ARHGAP25: variants seen among roughly 807,000 people sequenced by gnomAD.
The protein encoded by ARHGAP25 is Rho GTPase activating protein 25, also known as rho GTPase-activating protein 25.
A neutral mutation model predicts 71.0 loss-of-function variants in ARHGAP25; 34 were observed. The observed-to-expected ratio is 0.48, with a 90% CI of 0.36 to 0.64. The LOEUF (loss-of-function observed/expected upper bound fraction) is 0.64, where lower values mean the gene tolerates loss of function less well. ARHGAP25 is among the 30% of genes least tolerant of loss of function. ARHGAP25 has a pLI of 0.00. For missense variants in ARHGAP25, 706 were observed against 805.1 expected, an observed-to-expected ratio of 0.88 and a Z score of 1.49; for synonymous variants, 282 against 296.5, an observed-to-expected ratio of 0.95 and a Z score of 0.50.
chr2:68,716,267 T>C (rs908907013), intron 2 of ARHGAP25, among the ~76,000 whole-genome samples: 4 of 152,212 alleles, frequency 2.6e-5, no homozygotes, highest in African/African-American at 9.7e-5. Flanking sequence ...ATTGTTTGCT[T>C]TTACTGAGAC....
intron 4 of ARHGAP25, among the ~76,000 whole-genome samples, chr2:68,794,867 T>C (rs142700102): frequency 1.3e-3 from 196 of 152,272 alleles, no homozygotes; most frequent in African/African-American, 4.3e-3. Context: ...CTTCTTTGTA[T>C]GTTTGGTACA....
At chr2:68,726,601 T>C (rs1183829276) in intron 2 of ARHGAP25, among the ~76,000 whole-genome samples, 1 of 152,256 alleles carries the variant, frequency 6.6e-6, no homozygotes, top group Non-Finnish European at 1.5e-5. Flanking sequence ...ATATAAATTT[T>C]TTGGCTATGG....
intron 1 of ARHGAP25, among the ~76,000 whole-genome samples, chr2:68,772,250 G>A (rs946853042): frequency 2.6e-5 from 4 of 152,220 alleles, no homozygotes; most frequent in Admixed American, 6.5e-5. Flanking sequence ...CCCCCACTGT[G>A]GTCCTAATGA....
chr2:68,777,647 C>T (rs997958933), intron 2 of ARHGAP25, among the ~76,000 whole-genome samples: 12 of 151,966 alleles, frequency 7.9e-5, no homozygotes, highest in African/African-American at 2.9e-4. Context: ...ATCAATAGGT[C>T]AAGTAAGCAA....
intron 1 of ARHGAP25, 79 bp from the exon 2 acceptor site, chr2:68,775,142 T>C: frequency 6.2e-7 from 1 of 1,610,642 alleles, no homozygotes; most frequent in Non-Finnish European, 8.5e-7. Context: ...CCCTCTGGGG[T>C]TCCTCTCTCC....
rs201588014 is a variant in ARHGAP25 at position 68,822,441 on chromosome 2, A to G, written c.1302A>G (p.Lys434=). 8.7e-6 allele frequency: 14 copies of G among 1,614,202 alleles called. No homozygotes were observed. In the African/African-American group the frequency reaches 1.1e-4, roughly 12 times the overall value. Residue 434 remains lysine (K), a synonymous_variant, in exon 10 of 11, where the codon AAA becomes AAG. Transcript: ENST00000409202. ...KVPREKPGDW[K]MQSRKRTQTL... is the part of the protein sequence containing the mutation. ...CCAGGGAAAAGCCAGGAGACTGGAAAATGCAATCTCGTAAAAGGACTCAAA... is the reference window on the plus strand; with the variant it reads ...CCAGGGAAAAGCCAGGAGACTGGAAGATGCAATCTCGTAAAAGGACTCAAA...
At chr2:68,718,607 C>A (rs72822612) in intron 2 of ARHGAP25, among the ~76,000 whole-genome samples, 35,479 of 151,670 alleles carry the variant, frequency 0.23, 4,413 homozygotes, top group East Asian at 0.37. Context: ...ACATAGATAC[C>A]TAGATAGATA....
At chr2:68,722,006 C>T (rs938804671) in intron 2 of ARHGAP25, among the ~76,000 whole-genome samples, 3 of 152,224 alleles carry the variant, frequency 2.0e-5, no homozygotes, top group Non-Finnish European at 4.4e-5. Flanking sequence ...CCTTAAACCA[C>T]ACCAAAGGTT....
chr2:68,787,804 C>G (rs1678861956), intron 3 of ARHGAP25, 36 bp from the exon 4 acceptor site: 1 of 1,559,476 alleles, frequency 6.4e-7, no homozygotes, highest in Middle Eastern at 1.7e-4. Flanking sequence ...GTTCTTATCA[C>G]TCTAAGACCT....
chr2:68,738,436 G>A (rs1485662310), intron 1 of ARHGAP25, among the ~76,000 whole-genome samples: 3 of 152,092 alleles, frequency 2.0e-5, no homozygotes, highest in African/African-American at 7.2e-5. Context: ...ATTTGTGTTT[G>A]TTTGATGTTC....
At chr2:68,780,652 T>C (rs1252038704) in intron 2 of ARHGAP25, among the ~76,000 whole-genome samples, 1 of 152,092 alleles carries the variant, frequency 6.6e-6, no homozygotes, top group African/African-American at 2.4e-5. Context: ...CCTCCATTTG[T>C]TCTTTCTCCT....
Position 68,816,319 on chromosome 2 carries a change from A to T in ARHGAP25, c.838A>T (p.Ile280Phe), listed in dbSNP as rs201905093. The stretch of plus-strand genomic sequence containing the variant: ...GCAGGAGTTGATGAAGCAGCTCTCC[A>T]TCCTTCCTCGTGACAACTATAGTCT... ...AQQELMKQLS[I>F]LPRDNYSLLS... The change falls in exon 7 of 11, where the codon ATC (isoleucine) becomes TTC (phenylalanine). Residue 280 changes from isoleucine to phenylalanine, a missense_variant. By Grantham distance (21) the Ile-to-Phe change is conservative. Coordinates refer to ENST00000409202, the MANE Select transcript of ARHGAP25 (RefSeq NM_001007231.3). The T allele has an allele frequency of 1.2e-6, 2 of 1,613,962 alleles. No homozygotes were observed. Among genetic ancestry groups the T allele is most frequent in the Non-Finnish European group, 1.7e-6 (2 of 1,179,884 alleles).
At chr2:68,816,551 C>CA in intron 7 of ARHGAP25, 189 bp downstream of exon 7, 1 of 581,070 alleles carries the variant, frequency 1.7e-6, no homozygotes, top group Middle Eastern at 4.6e-4. Flanking sequence ...CTGGTTGAAC[C>CA]AAAAAATGAA....
intron 1 of ARHGAP25, among the ~76,000 whole-genome samples, chr2:68,746,684 G>A (rs549027413): frequency 6.7e-6 from 1 of 148,776 alleles, no homozygotes; most frequent in Non-Finnish European, 1.5e-5. Flanking sequence ...GCATGGGCAT[G>A]GGTTTAAAGA....
intron 1 of ARHGAP25, among the ~76,000 whole-genome samples, chr2:68,735,743 A>G (rs1296736888): frequency 6.6e-6 from 1 of 152,208 alleles, no homozygotes; most frequent in East Asian, 1.9e-4. Context: ...CAAGACAGGA[A>G]CATAAAAACG....
chr2:68,735,357 G>C (rs1030398314), intron 1 of ARHGAP25, 97 bp downstream of exon 1: 2 of 1,276,612 alleles, frequency 1.6e-6, no homozygotes, highest in East Asian at 2.4e-5. Flanking sequence ...ACTTAAAAAT[G>C]GATCTCGCAG....
chr2:68,724,717 C>T (rs142645408), intron 2 of ARHGAP25, among the ~76,000 whole-genome samples: 110 of 152,342 alleles, frequency 7.2e-4, no homozygotes, highest in Non-Finnish European at 1.3e-3. Flanking sequence ...TAATGCAGGC[C>T]TATCTCCAGC....
At chr2:68,775,751 G>A in intron 2 of ARHGAP25, 1 of 514,516 alleles carries the variant, frequency 1.9e-6, no homozygotes, top group Non-Finnish European at 3.8e-6. Flanking sequence ...CCGATTTTGG[G>A]ACTCATTGAT....
At chr2:68,793,414 A>G (rs903275082) in intron 4 of ARHGAP25, among the ~76,000 whole-genome samples, 1 of 152,116 alleles carries the variant, frequency 6.6e-6, no homozygotes, top group Non-Finnish European at 1.5e-5. Flanking sequence ...ACAGTTTCAG[A>G]TCTTACATTT....
Sources: allele counts gnomAD v4.1 joint callset (sites outside exome capture counted in the v4.1 genomes callset), GRCh38; gene constraint gnomAD v4.1.1; transcripts MANE v1.5; gene names NCBI Gene and HGNC (gene_info 2026-07-23, HGNC 2026-07-21).